SORCS1: variants seen among roughly 807,000 people sequenced by gnomAD.
SORCS1 encodes VPS10 domain-containing receptor SorCS1.
A neutral mutation model predicts 146.1 loss-of-function variants in SORCS1; 60 were observed. The ratio of observed to expected loss-of-function variants is 0.41; its 90% CI spans 0.33 to 0.51. The LOEUF (loss-of-function observed/expected upper bound fraction) is 0.51. SORCS1 is among the 20% of genes least tolerant of loss of function. The pLI is 0.21. For synonymous variants in SORCS1, 637 were observed against 584.0 expected (o/e 1.09, Z -1.31); for missense variants, 1,352 against 1,487.6 (o/e 0.91, Z 1.50).
chr10:107,081,520 G>A (rs752730672), intron 1 of SORCS1, among the ~76,000 whole-genome samples: 2 of 152,304 alleles, frequency 1.3e-5, no homozygotes, highest in Middle Eastern at 3.4e-3. Context: ...TGAGAACTTA[G>A]ACCCTTGAAT....
intron 17 of SORCS1, among the ~76,000 whole-genome samples, chr10:106,654,914 C>A (rs1351555991): frequency 6.6e-6 from 1 of 151,878 alleles, no homozygotes; most frequent in Non-Finnish European, 1.5e-5. Flanking sequence ...TGGCTCACTG[C>A]GGCTTTATTA....
At chr10:106,672,201 T>C (rs1167893272) in intron 15 of SORCS1, among the ~76,000 whole-genome samples, 2 of 152,192 alleles carry the variant, frequency 1.3e-5, no homozygotes, top group African/African-American at 4.8e-5. Flanking sequence ...TCTGCCTGAA[T>C]ATGGTGATGG....
intron 1 of SORCS1, among the ~76,000 whole-genome samples, chr10:106,977,851 T>C (rs113826172): frequency 6.6e-5 from 10 of 152,342 alleles, no homozygotes; most frequent in African/African-American, 2.4e-4. Context: ...AAATGTCTAC[T>C]AAATATCATA....
rs551309628 is a variant in SORCS1 at position 107,141,667 on chromosome 10, A to G, written c.558+22302T>C. Among the ~76,000 whole-genome samples the G allele has an allele frequency of 9.1e-4, 139 of 152,262 alleles. 1 individual carries two copies. Among genetic ancestry groups the G allele is most frequent in the Non-Finnish European group, 9.6e-4 (65 of 68,018 alleles). On this transcript the variant is annotated intron_variant, in intron 1 of 25. Transcript: ENST00000263054. ...GAGGAATCCCTTGGGTTTCCAGTTA[A>G]GGCCCTAATTGGGTCTATTTTAAAG...
intron 3 of SORCS1, among the ~76,000 whole-genome samples, chr10:106,814,882 T>G (rs1182379427): frequency 8.9e-6 from 1 of 112,382 alleles, no homozygotes; most frequent in African/African-American, 3.5e-5. Flanking sequence ...GCCACTGCTC[T>G]CCAGCCTGGG....
At chr10:106,933,089 TC>T (rs1287201616) in intron 2 of SORCS1, among the ~76,000 whole-genome samples, 7 of 152,332 alleles carry the variant, frequency 4.6e-5, no homozygotes, top group Admixed American at 3.3e-4. Flanking sequence ...TGAATTTGCA[TC>T]CTTGTAAATG....
At chr10:106,945,068 A>G (rs1355658160) in intron 2 of SORCS1, among the ~76,000 whole-genome samples, 1 of 151,032 alleles carries the variant, frequency 6.6e-6, no homozygotes, top group Non-Finnish European at 1.5e-5. Context: ...TTGTATTTTT[A>G]GTAGAGACAA....
At chr10:107,127,714 C>T (rs1966793816) in intron 1 of SORCS1, among the ~76,000 whole-genome samples, 1 of 152,304 alleles carries the variant, frequency 6.6e-6, no homozygotes, top group African/African-American at 2.4e-5. Flanking sequence ...CAAAGGCTGC[C>T]TTTCCATCTG....
chr10:107,004,793 T>C (rs548752361), intron 1 of SORCS1, among the ~76,000 whole-genome samples: 1 of 152,294 alleles, frequency 6.6e-6, no homozygotes, highest in South Asian at 2.1e-4. Flanking sequence ...ACTTTTCATC[T>C]GCACTCTAGT....
chr10:106,609,760 T>C (rs1324346985), intron 22 of SORCS1, among the ~76,000 whole-genome samples: 1 of 152,248 alleles, frequency 6.6e-6, no homozygotes, highest in Non-Finnish European at 1.5e-5. Context: ...TCTAGCCTAA[T>C]GGACAGCTGG....
chr10:107,065,510 C>CTCCTCTCCT (rs71025577), intron 1 of SORCS1, among the ~76,000 whole-genome samples: 1 of 86,424 alleles, frequency 1.2e-5, no homozygotes, highest in South Asian at 4.1e-4. Flanking sequence ...CTCCTCTCCT[C>CTCCTCTCCT]TCTTTCTTTC....
chr10:106,691,505 T>G (rs1240988319), intron 9 of SORCS1, among the ~76,000 whole-genome samples: 1 of 152,236 alleles, frequency 6.6e-6, no homozygotes, highest in Non-Finnish European at 1.5e-5. Context: ...AGTCAAGATA[T>G]CATTTTAATT....
At chr10:107,096,304 T>G (rs1023875174) in intron 1 of SORCS1, among the ~76,000 whole-genome samples, 16 of 152,242 alleles carry the variant, frequency 1.1e-4, no homozygotes, top group Non-Finnish European at 2.9e-5. Flanking sequence ...TAAAAGGGAC[T>G]GGCTATGAGG....
intron 1 of SORCS1, among the ~76,000 whole-genome samples, chr10:107,012,562 T>C (rs551271691): frequency 2.5e-4 from 38 of 152,312 alleles, no homozygotes; most frequent in South Asian, 8.3e-4. Context: ...CAGGTGAAGA[T>C]TGAGACATGA....
At chr10:106,860,614 C>G (rs1949970798) in intron 2 of SORCS1, among the ~76,000 whole-genome samples, 1 of 152,168 alleles carries the variant, frequency 6.6e-6, no homozygotes. Context: ...GAGTGATGAA[C>G]ATGGCCTAGA....
At chr10:106,878,257 T>C (rs1950668076) in intron 2 of SORCS1, among the ~76,000 whole-genome samples, 1 of 151,326 alleles carries the variant, frequency 6.6e-6, no homozygotes, top group South Asian at 2.1e-4. Flanking sequence ...GGGGGACTCC[T>C]TGTGGGAGGT....
intron 1 of SORCS1, among the ~76,000 whole-genome samples, chr10:107,105,700 G>A (rs1386753820): frequency 6.6e-6 from 1 of 152,180 alleles, no homozygotes; most frequent in African/African-American, 2.4e-5. Context: ...AGCCATGCTG[G>A]CAGCTGATTA....
At chr10:107,167,880 AACATTTAGTC>A (rs1970089724), upstream of SORCS1, among the ~76,000 whole-genome samples, 2 of 152,156 alleles carry the variant, frequency 1.3e-5, no homozygotes, top group Non-Finnish European at 2.9e-5. Flanking sequence ...AAAGAATATG[AACATTTAGTC>A]ATTGTATACT....
At chr10:107,095,713 A>C (rs972673157) in intron 1 of SORCS1, among the ~76,000 whole-genome samples, 1 of 152,308 alleles carries the variant, frequency 6.6e-6, no homozygotes, top group Non-Finnish European at 1.5e-5. Flanking sequence ...GTGATTTATC[A>C]GTGCTGAATT....
Sources: allele counts gnomAD v4.1 joint callset (sites outside exome capture counted in the v4.1 genomes callset), GRCh38; gene constraint gnomAD v4.1.1; transcripts MANE v1.5; gene names NCBI Gene and HGNC (gene_info 2026-07-23, HGNC 2026-07-21).